Variants in ZNF385D observed in about 807,000 individuals in gnomAD.
ZNF385D encodes zinc finger protein 385D.
Under a neutral mutation model 35.8 loss-of-function variants are expected in ZNF385D, and 15 were observed. That is an observed-to-expected ratio of 0.42 (90% CI 0.28 to 0.64). The LOEUF (loss-of-function observed/expected upper bound fraction) is 0.64. Among genes scored for constraint, ZNF385D ranks in the 30% least tolerant of loss-of-function variants. ZNF385D has a pLI of 0.23. For synonymous variants in ZNF385D, 212 were observed against 186.8 expected (o/e 1.13, Z -1.10); for missense variants, 474 against 494.6 (o/e 0.96, Z 0.39).
intron 3 of ZNF385D, chr3:21,961,285 G>T (rs1004196624): frequency 1.3e-5 from 2 of 152,024 alleles, no homozygotes; most frequent in African/African-American, 4.8e-5. Flanking sequence ...TTAAATAAAT[G>T]AATGAAAGAA....
intron 2 of ZNF385D, among the ~76,000 whole-genome samples, chr3:22,348,485 T>TAAAAAAAAAAAAAAAAAA (rs1168729541): frequency 3.3e-4 from 28 of 84,872 alleles, no homozygotes; most frequent in African/African-American, 4.0e-4. Flanking sequence ...CCATCTCTAC[T>TAAAAAAAAAAAAAAAAAA]AAAAAAAAAA....
At chr3:21,840,468 C>T (rs1695595544) in intron 3 of ZNF385D, among the ~76,000 whole-genome samples, 1 of 152,026 alleles carries the variant, frequency 6.6e-6, no homozygotes, top group African/African-American at 2.4e-5. Flanking sequence ...TTCCTTTTGT[C>T]TAGTTGAATA....
intron 3 of ZNF385D, among the ~76,000 whole-genome samples, chr3:21,971,943 C>T (rs1703286197): frequency 1.3e-5 from 2 of 151,896 alleles, no homozygotes; most frequent in African/African-American, 2.4e-5. Flanking sequence ...AACACTGGGA[C>T]ACCCAGATAT....
At chr3:21,737,676 C>T (rs960202242) in intron 1 of ZNF385D, among the ~76,000 whole-genome samples, 1 of 152,042 alleles carries the variant, frequency 6.6e-6, no homozygotes, top group Non-Finnish European at 1.5e-5. Context: ...TCAAAAAGTA[C>T]AAAAATATTC....
At chr3:22,179,442 C>G (rs929574233) in intron 2 of ZNF385D, among the ~76,000 whole-genome samples, 2 of 152,236 alleles carry the variant, frequency 1.3e-5, no homozygotes, top group Non-Finnish European at 2.9e-5. Context: ...ATTTTGTATC[C>G]TGAGACTTTG....
At chr3:22,212,765 A>G (rs930635344) in intron 2 of ZNF385D, among the ~76,000 whole-genome samples, 1 of 152,046 alleles carries the variant, frequency 6.6e-6, no homozygotes, top group South Asian at 2.1e-4. Context: ...TAGGACAGAG[A>G]TAATAGTATA....
At chr3:21,611,119 A>G (rs971396909) in intron 2 of ZNF385D, among the ~76,000 whole-genome samples, 1 of 152,248 alleles carries the variant, frequency 6.6e-6, no homozygotes, top group African/African-American at 2.4e-5. Flanking sequence ...GCATAATCAC[A>G]TACATGTAAT....
chr3:22,310,215 T>G lies in ZNF385D; in HGVS notation c.106+62235A>C, dbSNP rs115506219. Among the ~76,000 whole-genome samples the G allele has an allele frequency of 2.0e-5, 3 of 152,048 alleles. No homozygotes were observed. The South Asian group carries it at 6.2e-4, about 32-fold the overall frequency. ...TTCCTGGATTTGCATTCAGGCGTCA[T>G]GATTACTATTACGAACAAGAGCAAG... On this transcript the variant is annotated intron_variant, in intron 2 of 5. Transcript: ENST00000494108.
chr3:22,014,678 ATGAAT>A (rs1354222574), intron 3 of ZNF385D, among the ~76,000 whole-genome samples: 1 of 151,492 alleles, frequency 6.6e-6, no homozygotes, highest in Non-Finnish European at 1.5e-5. Flanking sequence ...AAATTGAATA[ATGAAT>A]TGAAAGAAAA....
chr3:22,325,702 G>A (rs889619165), intron 2 of ZNF385D, among the ~76,000 whole-genome samples: 6 of 152,110 alleles, frequency 3.9e-5, no homozygotes, highest in African/African-American at 1.4e-4. Flanking sequence ...ATGCCACAGT[G>A]AGCCAAGATC....
rs77684833 is a variant in ZNF385D at position 21,533,695 on chromosome 3, T to C, written c.277-22672A>G. ...AGAGACAGAAAACCTGAAATCAACC[T>C]GTCAGTTACAAAGTAAAATCATAAA... On this transcript the variant is annotated intron_variant, in intron 3 of 7. Transcript: ENST00000281523. Among the ~76,000 whole-genome samples, 279 of 152,234 alleles carry C rather than the reference T, an allele frequency of 1.8e-3. 1 individual carries two copies. Among genetic ancestry groups the C allele is most frequent in the African/African-American group, 6.5e-3 (272 of 41,566 alleles).
chr3:22,205,762 A>G (rs1017867384), intron 2 of ZNF385D, among the ~76,000 whole-genome samples: 6 of 151,990 alleles, frequency 3.9e-5, no homozygotes, highest in Admixed American at 3.3e-4. Flanking sequence ...CAGATACACA[A>G]AAGACAAAAA....
At chr3:22,017,470 T>G (rs1411905721) in intron 3 of ZNF385D, among the ~76,000 whole-genome samples, 1 of 152,080 alleles carries the variant, frequency 6.6e-6, no homozygotes, top group Non-Finnish European at 1.5e-5. Flanking sequence ...ATTTTTTGTT[T>G]CTTATTCTGT....
At chr3:22,319,512 A>G (rs1559517584) in intron 2 of ZNF385D, among the ~76,000 whole-genome samples, 1 of 152,156 alleles carries the variant, frequency 6.6e-6, no homozygotes, top group Non-Finnish European at 1.5e-5. Flanking sequence ...AAATGCCCGT[A>G]TTGGACACTA....
At chr3:21,963,656 C>A (rs1303255836) in intron 3 of ZNF385D, among the ~76,000 whole-genome samples, 1 of 152,120 alleles carries the variant, frequency 6.6e-6, no homozygotes, top group Non-Finnish European at 1.5e-5. Context: ...AGTTATAATA[C>A]AATGAATATA....
intron 1 of ZNF385D, among the ~76,000 whole-genome samples, chr3:21,693,894 T>C (rs1165718601): frequency 6.7e-6 from 1 of 148,428 alleles, no homozygotes; most frequent in East Asian, 1.9e-4. Flanking sequence ...TTTTTTTTTT[T>C]TTTTGAGACG....
chr3:22,210,964 T>C (rs752283062), intron 2 of ZNF385D, among the ~76,000 whole-genome samples: 23 of 151,968 alleles, frequency 1.5e-4, no homozygotes, highest in Non-Finnish European at 2.5e-4. Context: ...AAAAATGATA[T>C]TCCTTAAAAC....
At chr3:21,791,463 A>G (rs2071923292) in intron 3 of ZNF385D, among the ~76,000 whole-genome samples, 1 of 152,214 alleles carries the variant, frequency 6.6e-6, no homozygotes, top group East Asian at 1.9e-4. Context: ...TTTGCCCCTT[A>G]AAATCAGAGG....
At chr3:21,869,851 C>G (rs1697589851) in intron 3 of ZNF385D, among the ~76,000 whole-genome samples, 1 of 151,950 alleles carries the variant, frequency 6.6e-6, no homozygotes, top group Admixed American at 6.6e-5. Context: ...AGAAGTAGTT[C>G]AATAAAGTAG....
Sources: gnomAD v4.1 joint callset for allele counts (sites outside exome capture counted in the v4.1 genomes callset) on GRCh38, gnomAD v4.1.1 for gene constraint, MANE v1.5 for transcripts, NCBI Gene and HGNC (gene_info 2026-07-23, HGNC 2026-07-21) for gene names.